TSNARE1: variants seen among roughly 807,000 people sequenced by gnomAD.
TSNARE1 encodes t-SNARE domain-containing protein 1.
In TSNARE1, 49 loss-of-function variants were observed where a neutral mutation model predicts 62.0. The ratio of observed to expected loss-of-function variants is 0.79; its 90% CI spans 0.63 to 1.00. TSNARE1 has a LOEUF of 1.00. TSNARE1 is among the 50% of genes least tolerant of loss of function. The pLI, the probability that TSNARE1 is intolerant of heterozygous loss-of-function variation, is 0.00. For synonymous variants in TSNARE1, 328 were observed against 294.4 expected (o/e 1.11, Z -1.17); for missense variants, 755 against 700.1 (o/e 1.08, Z -0.88).
intron 11 of TSNARE1, chr8:142,275,077 G>A: frequency 3.0e-6 from 3 of 985,384 alleles, no homozygotes; most frequent in Non-Finnish European, 3.6e-6. Context: ...GCCTGGAGGT[G>A]GCCCAGGGAA....
At position 142,338,915 on chromosome 8, in the gene TSNARE1, T is replaced by C. The variant is rs541236474; in HGVS notation, c.745+5051A>G. ...TCCCTCTGCCATCTGGGAGCCACCA[T>C]ACACTGGCCCTGCGGTGAGATGCCT... On this transcript the variant is annotated intron_variant, in intron 4 of 13. Coordinates refer to ENST00000524325, the MANE Select transcript of TSNARE1 (RefSeq NM_145003.5). Among the ~76,000 whole-genome samples, 3 of 152,212 alleles carry C rather than the reference T, an allele frequency of 2.0e-5. No homozygotes were observed. The East Asian group carries it at 5.8e-4, about 29-fold the overall frequency.
chr8:142,255,065 G>GA (rs1198593690), intron 12 of TSNARE1, among the ~76,000 whole-genome samples: 1 of 152,062 alleles, frequency 6.6e-6, no homozygotes, highest in Non-Finnish European at 1.5e-5. Flanking sequence ...CCATAACAGA[G>GA]AACAGCAGGG....
At chr8:142,222,102 C>CACT (rs142699831) in intron 13 of TSNARE1, among the ~76,000 whole-genome samples, 2 of 124,620 alleles carry the variant, frequency 1.6e-5, no homozygotes, top group Non-Finnish European at 1.7e-5. Context: ...CTCATCCACT[C>CACT]CACTCACTCA....
Position 142,217,304 on chromosome 8 carries a change from AAAGAAAG to A in TSNARE1, c.*12-4998_*12-4992del, listed in dbSNP as rs1815897293. Among the ~76,000 whole-genome samples the A allele has an allele frequency of 4.0e-4, 3 of 7,500 alleles. No homozygotes were observed. The South Asian group carries it at 0.025, about 62-fold the overall frequency. The allele number at this position is 7,500 out of a possible 152,430, so 4.9% of individuals were successfully genotyped here. A position where few individuals can be genotyped will look rare whatever the true frequency, so the allele number is the denominator to read the frequency against. On this transcript the variant is annotated intron_variant, in intron 13 of 13. Transcript: ENST00000524325. ...ATAAAAAGAAGAAAGAAAGAAAGAA[AAAGAAAG>A]AAAGAAAGAAAGAAAGAAAGAAAGA...
At chr8:142,277,671 G>A (rs1820729530) in intron 11 of TSNARE1, 1 of 985,436 alleles carries the variant, frequency 1.0e-6, no homozygotes, top group African/African-American at 1.7e-5. Context: ...CAGCAGGGCA[G>A]GCCACTCAAA....
At chr8:142,371,919 T>TG (rs1835944712) in intron 1 of TSNARE1, among the ~76,000 whole-genome samples, 1 of 152,144 alleles carries the variant, frequency 6.6e-6, no homozygotes, top group Admixed American at 6.5e-5. Flanking sequence ...TTTTGTACCA[T>TG]GGGGCAGAGC....
At chr8:142,250,395 C>A (rs548177458) in intron 12 of TSNARE1, among the ~76,000 whole-genome samples, 10 of 152,198 alleles carry the variant, frequency 6.6e-5, no homozygotes, top group Non-Finnish European at 1.0e-4. Context: ...AAGGCATAAT[C>A]CCTGCTTCTG....
At chr8:142,293,767 G>C (rs1423486985) in intron 10 of TSNARE1, among the ~76,000 whole-genome samples, 1 of 152,176 alleles carries the variant, frequency 6.6e-6, no homozygotes, top group African/African-American at 2.4e-5. Context: ...GTGTTCAGAC[G>C]CCACCTGTTG....
chr8:142,372,486 A>C (rs1344089434), intron 1 of TSNARE1, among the ~76,000 whole-genome samples: 2 of 152,178 alleles, frequency 1.3e-5, no homozygotes, highest in African/African-American at 2.4e-5. Flanking sequence ...TGGCTTTGGA[A>C]GGATGAGAAG....
At chr8:142,373,654 G>A (rs1455920244) in intron 1 of TSNARE1, among the ~76,000 whole-genome samples, 4 of 141,950 alleles carry the variant, frequency 2.8e-5, no homozygotes, top group Non-Finnish European at 3.1e-5. Context: ...TCTGACACAG[G>A]GACCTGCCAC....
At chr8:142,405,324 T>C (rs992748769), upstream of TSNARE1, 2 of 152,218 alleles carry the variant, frequency 1.3e-5, no homozygotes, top group East Asian at 3.9e-4. Context: ...GGCTCCCTCC[T>C]TCCTCCAGAG....
At chr8:142,327,111 G>T (rs1237891533) in intron 6 of TSNARE1, among the ~76,000 whole-genome samples, 2 of 151,916 alleles carry the variant, frequency 1.3e-5, no homozygotes, top group African/African-American at 4.8e-5. Context: ...GTCCAGTCCT[G>T]GGGATATATC....
chr8:142,245,097 A>G (rs1007790922), intron 12 of TSNARE1, among the ~76,000 whole-genome samples: 1 of 152,268 alleles, frequency 6.6e-6, no homozygotes, highest in Non-Finnish European at 1.5e-5. Flanking sequence ...GTTAGTAATC[A>G]GGGAAATGCA....
rs556827602 is a variant in TSNARE1, at chr8:142,377,203, T to C, written c.-39-22440A>G. ...AAACATACTCCAGCTCTTCATCTCA[T>C]CAATTACCCAAGATCTATCCCAGAT... On this transcript the variant is annotated intron_variant, in intron 1 of 13. Coordinates refer to ENST00000524325, the MANE Select transcript of TSNARE1 (RefSeq NM_145003.5). Among the ~76,000 whole-genome samples, 4 of 152,248 alleles carry C rather than the reference T, an allele frequency of 2.6e-5. No homozygotes were observed. The South Asian group carries it at 8.3e-4, about 32-fold the overall frequency.
chr8:142,260,425 C>T (rs1003248614), intron 12 of TSNARE1, among the ~76,000 whole-genome samples: 1 of 152,184 alleles, frequency 6.6e-6, no homozygotes. Flanking sequence ...GGACTCAGCC[C>T]TCCCTGGCCA....
At chr8:142,223,317 C>CTCGTTCAT (rs1816580982) in intron 13 of TSNARE1, among the ~76,000 whole-genome samples, 1 of 143,204 alleles carries the variant, frequency 7.0e-6, no homozygotes, top group South Asian at 2.3e-4. Flanking sequence ...CATTCACTCA[C>CTCGTTCAT]TCATTCACTC....
intron 11 of TSNARE1, chr8:142,275,776 G>C (rs1820376972): frequency 1.0e-6 from 1 of 985,232 alleles, no homozygotes; most frequent in Non-Finnish European, 1.2e-6. Flanking sequence ...GACCTGAGCT[G>C]ACTTGAGCCT....
intron 2 of TSNARE1, among the ~76,000 whole-genome samples, chr8:142,353,456 G>C (rs1271163912): frequency 6.6e-6 from 1 of 152,198 alleles, no homozygotes; most frequent in Non-Finnish European, 1.5e-5. Context: ...CATCCTAGAG[G>C]ACCTGGCCTG....
chr8:142,372,678 A>G (rs1038059168), intron 1 of TSNARE1, among the ~76,000 whole-genome samples: 6 of 152,138 alleles, frequency 3.9e-5, no homozygotes, highest in Non-Finnish European at 8.8e-5. Context: ...GGATGAGCTG[A>G]GCTCACATAC....
Sources: allele counts gnomAD v4.1 joint callset (sites outside exome capture counted in the v4.1 genomes callset), GRCh38; gene constraint gnomAD v4.1.1; transcripts MANE v1.5; gene names NCBI Gene and HGNC (gene_info 2026-07-23, HGNC 2026-07-21).